The following DPH1 variants were observed in gnomAD, a reference collection of about 807,000 sequenced individuals.
DPH1 encodes diphthamide biosynthesis 1, also known as 2-(3-amino-3-carboxypropyl)histidine synthase subunit 1.
Under a neutral mutation model 55.3 loss-of-function variants are expected in DPH1, and 59 were observed. That is an observed-to-expected ratio of 1.07 (90% confidence interval 0.87 to 1.33). The LOEUF (loss-of-function observed/expected upper bound fraction) is 1.33. DPH1 is among the 40% of genes most tolerant of loss of function. The probability of loss-of-function intolerance (pLI) is 0.00; values close to 1 mark genes in which losing one functional copy is unlikely to be tolerated. For missense variants in DPH1, 628 were observed against 584.8 expected, an observed-to-expected ratio of 1.07 and a Z score of -0.76; for synonymous variants, 238 against 235.5, an observed-to-expected ratio of 1.01 and a Z score of -0.10.
chr17:2,035,865 G>GT, intron 3 of DPH1, 105 bp from the exon 4 acceptor site: 3 of 1,526,928 alleles, frequency 2.0e-6, no homozygotes, highest in Non-Finnish European at 2.7e-6. Flanking sequence ...ACTGGGAGAG[G>GT]TAGGGAGAGA....
Position 2,039,840 on chromosome 17 carries a change from G to A in DPH1, c.749+17G>A, listed in dbSNP as rs769962607. ...CGCTTACCGGTATGGGCTGGGCCGG[G>A]CTGGGCTGACCAGCTGGTGAGGGGT... On this transcript the variant is annotated intron_variant, in intron 7 of 12. Transcript: ENST00000263083. The A allele has an allele frequency of 3.1e-6, 5 of 1,613,832 alleles. No homozygotes were observed. Among genetic ancestry groups the A allele is most frequent in the African/African-American group, 2.7e-5 (2 of 74,930 alleles).
intron 12 of DPH1, 181 bp downstream of exon 12, chr17:2,042,056 G>A (rs1597290055): frequency 6.5e-7 from 1 of 1,534,198 alleles, no homozygotes; most frequent in Non-Finnish European, 8.7e-7. Flanking sequence ...TAATGGCCGC[G>A]CAGCGACCCC....
At chr17:2,041,990 G>C (rs2067538699) in intron 12 of DPH1, 115 bp downstream of exon 12, 3 of 1,491,102 alleles carry the variant, frequency 2.0e-6, no homozygotes, top group Admixed American at 2.2e-5. Context: ...CCCGTGCATT[G>C]TGCTTCCGCT....
At chr17:2,040,631 G>A (rs1221456736) in intron 9 of DPH1, 26 bp downstream of exon 9, 11 of 1,611,062 alleles carry the variant, frequency 6.8e-6, no homozygotes, top group Middle Eastern at 1.7e-4. Flanking sequence ...GCTATGACTG[G>A]CTAAAGAAGC....
rs2067572609 is a variant in DPH1 at position 2,042,967 on chromosome 17, C to T, written c.*381C>T. 3 of 1,614,050 alleles carry T rather than the reference C, an allele frequency of 1.9e-6. No homozygotes were observed. Among genetic ancestry groups the T allele is most frequent in the African/African-American group, 2.7e-5 (2 of 74,942 alleles). ...TTTTGGGGACACTGACAAAGTCATC[C>T]CCTCTCAGGAGAGTGTGCAACTGGC... On this transcript the variant is annotated 3_prime_UTR_variant, in exon 13 of 13. Coordinates refer to ENST00000263083, the MANE Select transcript of DPH1 (RefSeq NM_001383.6).
intron 1 of DPH1, among the ~76,000 whole-genome samples, chr17:2,031,777 A>G (rs1244415378): frequency 2.6e-5 from 4 of 152,054 alleles, no homozygotes; most frequent in African/African-American, 9.7e-5. Context: ...TCAGCTTATT[A>G]TTTTTTATCC....
In DPH1 at chr17:2,043,296, C is replaced by T; in HGVS notation, c.*710C>T. On this transcript the variant is annotated 3_prime_UTR_variant, in exon 13 of 13. Transcript: ENST00000263083. ...TACTGAAGAAAAGGGGAGCACAAGG[C>T]CTTAATGGACATTGACTTGTGAAAA... 2 of 652,308 alleles carry T rather than the reference C, an allele frequency of 3.1e-6. No homozygotes were observed. Among genetic ancestry groups the T allele is most frequent in the Admixed American group, 6.3e-5 (2 of 31,838 alleles). The allele number at this position is 652,308 out of a possible 1,614,324, so 40.4% of individuals were successfully genotyped here.
chr17:2,039,717 G>A (rs548267940), intron 6 of DPH1, 38 bp from the exon 7 acceptor site: 2 of 1,613,662 alleles, frequency 1.2e-6, no homozygotes, highest in East Asian at 2.2e-5. Context: ...CTCTTCTGCT[G>A]CCCTAAACCA....
chr17:2,043,276 A>T lies in DPH1; in HGVS notation c.*690A>T. The T allele has an allele frequency of 2.6e-6, 2 of 774,040 alleles. No homozygotes were observed. The highest frequency in any genetic ancestry group is 4.0e-6 in the Non-Finnish European group (2 of 496,902). 47.9% of individuals were successfully genotyped at this position (774,040 alleles called of 1,614,324 possible). On this transcript the variant is annotated 3_prime_UTR_variant, in exon 13 of 13. Transcript: ENST00000263083. ...ATTATAAGGGCCCTGCCCTGTACTG[A>T]AGAAAAGGGGAGCACAAGGCCTTAA... is the stretch of plus-strand genomic sequence containing the variant.
chr17:2,039,390 CTTTTT>C (rs2067476542), intron 6 of DPH1: 1 of 114,694 alleles, frequency 8.7e-6, no homozygotes. Context: ...TTTTTTTTTT[CTTTTT>C]GAGACGGAGT....
chr17:2,033,582 C>G lies in DPH1; in HGVS notation c.139C>G (p.Arg47Gly), dbSNP rs566200844. The G allele has an allele frequency of 2.5e-6, 4 of 1,614,098 alleles. No homozygotes were observed. In the East Asian group the frequency reaches 6.7e-5, roughly 27 times the overall value. ...LKNPQLQAAI[R>G]VLPSNYNFEI... is the part of the protein sequence containing the mutation. ...GAACCCTCAGCTGCAGGCAGCAATC[C>G]GGGTCCTGCCTTCCAACTACAACTT... is the stretch of plus-strand genomic sequence containing the variant. The change falls in exon 2 of 13, where the codon CGG becomes GGG. Residue 47 changes from arginine (R) to glycine (G), a missense_variant. Physicochemically the swap from Arg to Gly is moderately radical, Grantham distance 125. Coordinates refer to ENST00000263083, the MANE Select transcript of DPH1 (RefSeq NM_001383.6).
intron 12 of DPH1, 55 bp downstream of exon 12, chr17:2,041,930 C>A: frequency 6.5e-7 from 1 of 1,533,904 alleles, no homozygotes; most frequent in South Asian, 1.2e-5. Context: ...ATGGGAACGC[C>A]TTGGCGCTCC....
intron 6 of DPH1, 139 bp downstream of exon 6, chr17:2,037,095 A>G: frequency 7.8e-7 from 1 of 1,286,204 alleles, no homozygotes; most frequent in South Asian, 1.6e-5. Context: ...CAAGGTAGGG[A>G]CCAAACAGGG....
intron 9 of DPH1, 23 bp from the exon 10 acceptor site, chr17:2,041,080 T>C (rs2067512601): frequency 1.3e-6 from 2 of 1,585,094 alleles, no homozygotes; most frequent in Non-Finnish European, 1.7e-6. Flanking sequence ...CTTCCTAGGG[T>C]CTGACCTGGC....
At chr17:2,042,424 C>A in intron 12 of DPH1, 181 bp from the exon 13 acceptor site, 1 of 1,251,752 alleles carries the variant, frequency 8.0e-7, no homozygotes. Flanking sequence ...CCTTCACCGT[C>A]TTCCTCCGCT....
At chr17:2,041,376 C>A in intron 10 of DPH1, 105 bp from the exon 11 acceptor site, 1 of 1,497,854 alleles carries the variant, frequency 6.7e-7, no homozygotes. Context: ...CCTTCTGTGG[C>A]AGGGGACAGT....
At chr17:2,042,378 T>A in intron 12 of DPH1, 4 of 1,299,666 alleles carry the variant, frequency 3.1e-6, no homozygotes, top group Middle Eastern at 4.2e-4. Context: ...CCATACCCTC[T>A]TTGCTCAAAC....
Position 2,036,633 on chromosome 17 carries a change from C to G in DPH1, c.505C>G (p.Pro169Ala). ...GGACTCTCTCCGCCTCACCTTTCCCCCAGCCACTGCCCTTGCCCTGGTCAG... is the reference window on the plus strand; with the variant it reads ...GGACTCTCTCCGCCTCACCTTTCCCGCAGCCACTGCCCTTGCCCTGGTCAG... ...LLDSLRLTFP[P>A]ATALALVSTI... Residue 169 changes from proline (P) to alanine (A), a missense_variant, in exon 5 of 13, where the codon CCA becomes GCA. Transcript: ENST00000263083. This position sits in a 1 kb window ranked among gnomAD's most constrained non-coding sequence, Gnocchi z 4.8. The G allele has an allele frequency of 6.2e-7, 1 of 1,614,174 alleles. No homozygotes were observed. Among genetic ancestry groups the G allele is most frequent in the Non-Finnish European group, 8.5e-7 (1 of 1,180,022 alleles).
Position 2,036,082 on chromosome 17 carries a change from A to C in DPH1, c.391A>C (p.Ser131Arg), listed in dbSNP as rs780748075. 6.2e-7 allele frequency: 1 copy of C among 1,613,870 alleles called. No homozygotes were observed. Among genetic ancestry groups the C allele is most frequent in the South Asian group, 1.1e-5 (1 of 91,076 alleles). The change falls in exon 4 of 13, where the codon AGT (serine) becomes CGT (arginine). Residue 131 changes from serine to arginine, a missense_variant. Physicochemically the swap from Ser to Arg is moderately radical, Grantham distance 110. Transcript: ENST00000263083. The surrounding 1 kb of genome is among the most constrained non-coding windows in gnomAD (Gnocchi z 4.8). ...GADFLVHYGH[S>R]CLIPMDTSAQ... ...TGACTTCTTGGTGCACTACGGCCAC[A>C]GTTGCCTGAGTATGGTGGGGCCAGG...
Sources: allele counts gnomAD v4.1 joint callset (sites outside exome capture counted in the v4.1 genomes callset), GRCh38; gene constraint gnomAD v4.1.1; non-coding constraint Gnocchi (gnomAD v3.1); transcripts MANE v1.5; gene names NCBI Gene and HGNC (gene_info 2026-07-23, HGNC 2026-07-21).